Variants in PAM observed in about 807,000 individuals in gnomAD.
The protein encoded by PAM is peptidylglycine alpha-amidating monooxygenase.
PAM carries 72 observed loss-of-function variants against 122.1 expected under a neutral mutation model. That is an observed-to-expected ratio of 0.59 (90% confidence interval 0.49 to 0.72). The LOEUF is 0.72. PAM is among the 30% of genes least tolerant of loss of function. The pLI is 0.00. For synonymous variants in PAM, 389 were observed against 404.4 expected (o/e 0.96, Z 0.46); for missense variants, 1,106 against 1,183.7 (o/e 0.93, Z 0.96).
chr5:102,911,485 A>G (rs1801386178), intron 4 of PAM, among the ~76,000 whole-genome samples: 2 of 152,036 alleles, frequency 1.3e-5, no homozygotes, highest in South Asian at 4.1e-4. Flanking sequence ...AATGTATGTC[A>G]GGAAAAAATG....
At chr5:102,778,560 T>A (rs995660832) in intron 1 of PAM, among the ~76,000 whole-genome samples, 4 of 152,184 alleles carry the variant, frequency 2.6e-5, no homozygotes, top group Non-Finnish European at 4.4e-5. Flanking sequence ...AAATGAATCA[T>A]GGGACTGCTC....
At chr5:102,835,416 A>T (rs1776740816) in intron 1 of PAM, among the ~76,000 whole-genome samples, 1 of 152,142 alleles carries the variant, frequency 6.6e-6, no homozygotes, top group Non-Finnish European at 1.5e-5. Flanking sequence ...CTGTGTTGTA[A>T]GCTGAGAAAA....
At chr5:102,795,849 A>T (rs956854028) in intron 1 of PAM, among the ~76,000 whole-genome samples, 2 of 152,222 alleles carry the variant, frequency 1.3e-5, no homozygotes, top group Non-Finnish European at 2.9e-5. Context: ...AATCTTTTCC[A>T]ACCTCATTAT....
At chr5:103,027,779 A>G in intron 24 of PAM, among the ~76,000 whole-genome samples, 1 of 152,228 alleles carries the variant, frequency 6.6e-6, no homozygotes, top group East Asian at 1.9e-4. Flanking sequence ...TTTATAAATT[A>G]TTAATAACAT....
intron 1 of PAM, among the ~76,000 whole-genome samples, chr5:102,807,346 C>A (rs1297204981): frequency 1.3e-5 from 2 of 152,116 alleles, no homozygotes; most frequent in Admixed American, 1.3e-4. Flanking sequence ...TAAAGAGAGG[C>A]TGTATTCCTC....
chr5:102,841,125 A>G (rs1015603718), intron 1 of PAM, among the ~76,000 whole-genome samples: 2 of 152,176 alleles, frequency 1.3e-5, no homozygotes, highest in African/African-American at 4.8e-5. Flanking sequence ...ACAAACTAGT[A>G]TAGAAACAAG....
chr5:102,803,176 AGG>A lies in PAM; in HGVS notation c.-374+47829_-374+47830del, dbSNP rs1765299532. Among the ~76,000 whole-genome samples, 15 of 18,340 alleles carry A rather than the reference AGG, an allele frequency of 8.2e-4. 3 individuals are homozygous for A. Among genetic ancestry groups the A allele is most frequent in the African/African-American group, 3.3e-3 (15 of 4,602 alleles). The allele number at this position is 18,340 out of a possible 152,430, so 12.0% of individuals were successfully genotyped here. A position where few individuals can be genotyped will look rare whatever the true frequency, so the allele number is the denominator to read the frequency against. On this transcript the variant is annotated intron_variant, in intron 1 of 25. Transcript: ENST00000438793. ...AAGGAAGGAAGGAAGGAAGGAAGGAAGGAAGGAAGGAAGGAAGGAAGGAAGGA... is the reference window on the plus strand; with the variant it reads ...AAGGAAGGAAGGAAGGAAGGAAGGAAAAGGAAGGAAGGAAGGAAGGAAGGA...
At chr5:102,945,624 C>G (rs1756780897) in intron 7 of PAM, among the ~76,000 whole-genome samples, 1 of 151,906 alleles carries the variant, frequency 6.6e-6, no homozygotes, top group Non-Finnish European at 1.5e-5. Flanking sequence ...GTCTTTGGCT[C>G]TGAGTTAATT....
intron 1 of PAM, among the ~76,000 whole-genome samples, chr5:102,774,811 TA>T (rs1484049884): frequency 4.6e-5 from 7 of 152,136 alleles, no homozygotes; most frequent in African/African-American, 1.4e-4. Context: ...AATGGTGGAT[TA>T]TTTTTTAACA....
At chr5:103,028,807 C>T in intron 25 of PAM, 80 bp from the exon 26 acceptor site, 2 of 940,764 alleles carry the variant, frequency 2.1e-6, no homozygotes, top group South Asian at 1.6e-5. Flanking sequence ...CACCTTCTGA[C>T]TTTATCATTT....
chr5:102,815,359 A>C (rs1233084985), intron 1 of PAM, among the ~76,000 whole-genome samples: 2 of 152,142 alleles, frequency 1.3e-5, no homozygotes, highest in Non-Finnish European at 2.9e-5. Flanking sequence ...GGAGGTAAAG[A>C]AGCAGCAGCA....
chr5:102,792,068 A>G (rs528874898), intron 1 of PAM, among the ~76,000 whole-genome samples: 66 of 152,294 alleles, frequency 4.3e-4, no homozygotes, highest in African/African-American at 1.6e-3. Context: ...AGAGTGTTTG[A>G]CAAACTCTTT....
At chr5:102,821,629 T>C (rs908826826) in intron 1 of PAM, among the ~76,000 whole-genome samples, 1 of 152,198 alleles carries the variant, frequency 6.6e-6, no homozygotes, top group African/African-American at 2.4e-5. Flanking sequence ...CAGACACTTT[T>C]CTAAGCACCT....
intron 1 of PAM, among the ~76,000 whole-genome samples, chr5:102,846,136 G>T (rs7708545): frequency 0.012 from 1,777 of 152,182 alleles, 29 homozygotes; most frequent in African/African-American, 0.04. Context: ...ACTCCCTGAT[G>T]GTGAAAAATA....
intron 4 of PAM, among the ~76,000 whole-genome samples, chr5:102,910,035 T>C (rs1300172788): frequency 6.6e-6 from 1 of 151,876 alleles, no homozygotes; most frequent in Admixed American, 6.6e-5. Context: ...ATCTCCAAAA[T>C]TGCTGGTTTC....
At chr5:102,923,197 T>C (rs889064969) in intron 5 of PAM, among the ~76,000 whole-genome samples, 1 of 152,204 alleles carries the variant, frequency 6.6e-6, no homozygotes, top group African/African-American at 2.4e-5. Context: ...TCTGCACTCA[T>C]TGCCTATCCT....
chr5:102,778,234 A>G (rs538153826), intron 1 of PAM, among the ~76,000 whole-genome samples: 36 of 152,278 alleles, frequency 2.4e-4, no homozygotes, highest in Middle Eastern at 3.4e-3. Flanking sequence ...GCACTTCTGC[A>G]TGGTCCTTGA....
At chr5:102,911,030 T>G (rs918394541) in intron 4 of PAM, among the ~76,000 whole-genome samples, 1 of 151,912 alleles carries the variant, frequency 6.6e-6, no homozygotes, top group African/African-American at 2.4e-5. Context: ...TTTCCCAGCC[T>G]GCCGCTCCTC....
chr5:102,878,301 T>C (rs1371128102), intron 3 of PAM, among the ~76,000 whole-genome samples: 5 of 152,166 alleles, frequency 3.3e-5, no homozygotes, highest in Non-Finnish European at 5.9e-5. Context: ...GTGATGTAGC[T>C]TTCATAACTT....
Sources: gnomAD v4.1 joint callset for allele counts (sites outside exome capture counted in the v4.1 genomes callset) on GRCh38, gnomAD v4.1.1 for gene constraint, MANE v1.5 for transcripts, NCBI Gene and HGNC (gene_info 2026-07-23, HGNC 2026-07-21) for gene names.